Variants in RMST observed in about 807,000 individuals in gnomAD.
RMST encodes the protein rhabdomyosarcoma 2 associated transcript.
intron 13 of RMST, among the ~76,000 whole-genome samples, chr12:97,562,882 TG>T (rs1373496961): frequency 3.3e-5 from 5 of 152,192 alleles, no homozygotes; most frequent in Admixed American, 1.3e-4. Context: ...CTCAAGTTCT[TG>T]TTTCTTTTAT....
intron 11 of RMST, among the ~76,000 whole-genome samples, chr12:97,543,692 C>G (rs1592775993): frequency 6.6e-6 from 1 of 151,918 alleles, no homozygotes; most frequent in East Asian, 1.9e-4. Flanking sequence ...ACATCTAATT[C>G]TGACAAACCT....
chr12:97,521,568 T>C (rs918434401), intron 10 of RMST, among the ~76,000 whole-genome samples: 2 of 152,174 alleles, frequency 1.3e-5, no homozygotes, highest in African/African-American at 4.8e-5. Context: ...ATAATACTGC[T>C]GTTTTAAAAA....
intron 11 of RMST, among the ~76,000 whole-genome samples, chr12:97,540,556 T>A (rs757932509): frequency 1.3e-5 from 2 of 151,728 alleles, no homozygotes; most frequent in African/African-American, 2.4e-5. Flanking sequence ...TAAGCAAAGC[T>A]TGTAGACGGG....
chr12:97,510,538 A>G (rs1879166620), intron 10 of RMST, among the ~76,000 whole-genome samples: 1 of 152,252 alleles, frequency 6.6e-6, no homozygotes, highest in Admixed American at 6.5e-5. Flanking sequence ...GTGTGTGTTC[A>G]TAATGCTATT....
intron 4 of RMST, among the ~76,000 whole-genome samples, chr12:97,463,582 T>C (rs1872832479): frequency 6.6e-6 from 1 of 152,186 alleles, no homozygotes; most frequent in East Asian, 1.9e-4. Flanking sequence ...TAGCAATGTT[T>C]TGTGCAACGT....
chr12:97,464,504 G>T (rs1195874679), intron 4 of RMST, among the ~76,000 whole-genome samples: 1 of 152,190 alleles, frequency 6.6e-6, no homozygotes, highest in East Asian at 1.9e-4. Flanking sequence ...TTTGAAAGTT[G>T]TTCATTATAG....
intron 5 of RMST, among the ~76,000 whole-genome samples, chr12:97,469,275 T>TA (rs1310100855): frequency 6.7e-6 from 1 of 149,992 alleles, no homozygotes. Flanking sequence ...AAGATATTGG[T>TA]AAAACAGTCA....
At chr12:97,499,785 G>A (rs139165914) in intron 10 of RMST, among the ~76,000 whole-genome samples, 3 of 151,004 alleles carry the variant, frequency 2.0e-5, no homozygotes, top group East Asian at 2.0e-4. Flanking sequence ...TCAGCCTCCC[G>A]AGTAGCTGGG....
intron 11 of RMST, among the ~76,000 whole-genome samples, chr12:97,556,830 A>T (rs1345425608): frequency 3.3e-5 from 5 of 152,308 alleles, no homozygotes; most frequent in African/African-American, 1.2e-4. Context: ...GTCATAAGAT[A>T]CTTGACTTTA....
intron 10 of RMST, among the ~76,000 whole-genome samples, chr12:97,508,859 A>C (rs959695130): frequency 1.3e-5 from 2 of 152,220 alleles, no homozygotes; most frequent in Non-Finnish European, 2.9e-5. Flanking sequence ...GTCAAGAATT[A>C]CAACATTGCT....
intron 5 of RMST, among the ~76,000 whole-genome samples, chr12:97,491,112 G>A (rs1004287094): frequency 2.0e-5 from 3 of 152,128 alleles, no homozygotes; most frequent in Admixed American, 1.3e-4. Context: ...TGCTTTCTTC[G>A]ATGAATCGAA....
chr12:97,519,009 C>A (rs1006993430), intron 10 of RMST, among the ~76,000 whole-genome samples: 15 of 152,118 alleles, frequency 9.9e-5, no homozygotes, highest in Non-Finnish European at 1.5e-5. Flanking sequence ...AGCTTCTGGC[C>A]TCAAGCTATT....
In RMST at chr12:97,542,444, G is replaced by C. The variant is rs912768188; in HGVS notation, n.1545+11585G>C. ...TGCTGATGAATTTAGAAACAGGAAA[G>C]GACTTCTCGAAAAAGAGAAAATAAT... On this transcript the variant is annotated intron_variant and non_coding_transcript_variant, in intron 11 of 13. Transcript: ENST00000640149. Among the ~76,000 whole-genome samples the C allele has an allele frequency of 2.0e-5, 3 of 151,802 alleles. No homozygotes were observed. In the South Asian group the frequency reaches 6.2e-4, roughly 32 times the overall value.
intron 10 of RMST, among the ~76,000 whole-genome samples, chr12:97,520,768 T>A (rs1440052246): frequency 6.6e-6 from 1 of 152,192 alleles, no homozygotes; most frequent in Non-Finnish European, 1.5e-5. Flanking sequence ...GAACTGCCAA[T>A]CTTTGCAATT....
chr12:97,544,978 A>T lies in RMST; in HGVS notation n.1545+14119A>T, dbSNP rs141265437. On this transcript the variant is annotated intron_variant and non_coding_transcript_variant, in intron 11 of 13. Coordinates refer to ENST00000640149, the Ensembl canonical transcript of RMST. Reference sequence around the variant, plus strand: ...CAATAAATGACATCTATTAATAGGCATCTATTATTTGTAAACATATTCAAT... The same window carrying T: ...CAATAAATGACATCTATTAATAGGCTTCTATTATTTGTAAACATATTCAAT... 3.9e-5 allele frequency among the ~76,000 whole-genome samples: 6 copies of T among 152,242 alleles called. No homozygotes were observed. In the East Asian group the frequency reaches 1.2e-3, roughly 29 times the overall value.
intron 5 of RMST, among the ~76,000 whole-genome samples, chr12:97,490,284 A>G (rs1876630698): frequency 6.6e-6 from 1 of 152,200 alleles, no homozygotes; most frequent in South Asian, 2.1e-4. Flanking sequence ...TCTATGCATA[A>G]TGATATGCCA....
chr12:97,463,589 A>G (rs1036138377), intron 4 of RMST, among the ~76,000 whole-genome samples: 6 of 152,224 alleles, frequency 3.9e-5, no homozygotes, highest in African/African-American at 1.4e-4. Flanking sequence ...GTTTTGTGCA[A>G]CGTAGAAGAG....
intron 10 of RMST, among the ~76,000 whole-genome samples, chr12:97,518,060 A>G (rs975861651): frequency 6.6e-6 from 1 of 152,130 alleles, no homozygotes; most frequent in African/African-American, 2.4e-5. Context: ...ACTTATTTTT[A>G]TTTCTCTGAA....
chr12:97,553,727 A>G (rs915756560), intron 11 of RMST, among the ~76,000 whole-genome samples: 3 of 152,086 alleles, frequency 2.0e-5, no homozygotes, highest in Non-Finnish European at 4.4e-5. Flanking sequence ...CTCAAATCAA[A>G]TAAGCCTGGG....
Sources: gnomAD v4.1 joint callset for allele counts (sites outside exome capture counted in the v4.1 genomes callset) on GRCh38, gnomAD v4.1.1 for gene constraint, MANE v1.5 for transcripts, NCBI Gene and HGNC (gene_info 2026-07-23, HGNC 2026-07-21) for gene names.